Variants in TEX9 observed in about 807,000 individuals in gnomAD.
TEX9 encodes the protein testis-expressed protein 9.
Under a neutral mutation model 59.6 loss-of-function variants are expected in TEX9, and 74 were observed. The observed-to-expected ratio is 1.24, with a 90% CI of 1.03 to 1.51. TEX9 has a LOEUF of 1.51. TEX9 is among the 40% of genes most tolerant of loss of function. The pLI, the probability that TEX9 is intolerant of heterozygous loss-of-function variation, is 0.00. For missense variants in TEX9, 522 were observed against 447.8 expected (o/e 1.17, Z -1.49); for synonymous variants, 186 against 152.2 (o/e 1.22, Z -1.64).
intron 1 of TEX9, among the ~76,000 whole-genome samples, chr15:56,338,978 G>A (rs1596101675): frequency 6.6e-6 from 1 of 152,192 alleles, no homozygotes; most frequent in Admixed American, 6.5e-5. Flanking sequence ...CTATGCTCTG[G>A]TGTGCATGTA....
At chr15:56,396,528 C>G (rs548815245) in intron 9 of TEX9, 2 of 146,776 alleles carry the variant, frequency 1.4e-5, no homozygotes, top group East Asian at 2.0e-4. Context: ...TCCCAAATGT[C>G]ACATAAATAG....
intron 10 of TEX9, among the ~76,000 whole-genome samples, chr15:56,420,607 C>T (rs1426315225): frequency 6.6e-6 from 1 of 151,882 alleles, no homozygotes; most frequent in African/African-American, 2.4e-5. Flanking sequence ...CACGCCTGGC[C>T]TCTTTTTCTA....
chr15:56,344,848 G>T (rs2046438734), intron 1 of TEX9, among the ~76,000 whole-genome samples: 1 of 151,666 alleles, frequency 6.6e-6, no homozygotes, highest in Non-Finnish European at 1.5e-5. Context: ...ATAAAAAGCA[G>T]AATTACAGGA....
At chr15:56,398,528 C>G (rs774796439) in intron 9 of TEX9, among the ~76,000 whole-genome samples, 1 of 152,212 alleles carries the variant, frequency 6.6e-6, no homozygotes, top group Non-Finnish European at 1.5e-5. Context: ...TCTGTCACAT[C>G]ACTGTTCTAG....
At chr15:56,297,729 G>A (rs2045250055) in intron 1 of TEX9, among the ~76,000 whole-genome samples, 1 of 152,166 alleles carries the variant, frequency 6.6e-6, no homozygotes, top group Non-Finnish European at 1.5e-5. Context: ...GGTCTTGAAT[G>A]CCTGCCATCA....
intron 9 of TEX9, among the ~76,000 whole-genome samples, chr15:56,406,815 A>G (rs183301418): frequency 6.8e-4 from 104 of 152,238 alleles, no homozygotes; most frequent in African/African-American, 2.3e-3. Flanking sequence ...TTGTTTACCT[A>G]TGTAATTCCT....
rs1313013962 is a variant in TEX9 at position 56,394,222 on chromosome 15, ATGT to A, written c.633_635del (p.Val212del). On this transcript the variant is annotated inframe_deletion, in exon 8 of 13. Transcript: ENST00000352903. Reference sequence around the variant, plus strand: ...CATGTTATGCAGGAGGAATTGGATAATGTTGTATGTGAATGCAATAAAAAGGTA... The same window carrying A: ...CATGTTATGCAGGAGGAATTGGATAATGTATGTGAATGCAATAAAAAGGTA... 7 of 1,608,012 alleles carry A rather than the reference ATGT, an allele frequency of 4.4e-6. No homozygotes were observed. In the South Asian group the frequency reaches 5.6e-5, roughly 13 times the overall value.
intron 12 of TEX9, chr15:56,443,358 ATC>A: frequency 1.8e-6 from 2 of 1,105,420 alleles, no homozygotes; most frequent in Non-Finnish European, 2.5e-6. Context: ...TAAATGTACT[ATC>A]TCTTTTCTGC....
chr15:56,441,855 A>G (rs1279110297), intron 12 of TEX9, among the ~76,000 whole-genome samples: 1 of 151,986 alleles, frequency 6.6e-6, no homozygotes, highest in African/African-American at 2.4e-5. Flanking sequence ...TCTACTAAAA[A>G]TACAAAAGAA....
At chr15:56,424,667 G>GGT (rs1169149711) in intron 10 of TEX9, among the ~76,000 whole-genome samples, 1 of 151,918 alleles carries the variant, frequency 6.6e-6, no homozygotes, top group African/African-American at 2.4e-5. Context: ...TTGTGTTACT[G>GGT]GTGTCACAAA....
At chr15:56,309,850 G>A (rs1190878308) in intron 1 of TEX9, among the ~76,000 whole-genome samples, 1 of 151,774 alleles carries the variant, frequency 6.6e-6, no homozygotes. Flanking sequence ...AGGGGAAATA[G>A]TGAGAGCTTG....
chr15:56,440,737 C>T (rs2050802806), intron 12 of TEX9, among the ~76,000 whole-genome samples: 1 of 152,050 alleles, frequency 6.6e-6, no homozygotes, highest in Non-Finnish European at 1.5e-5. Flanking sequence ...TGTTTGATAT[C>T]ATTTATATAA....
intron 2 of TEX9, 190 bp downstream of exon 2, chr15:56,365,860 G>C (rs1401579137): frequency 1.4e-6 from 2 of 1,406,786 alleles, no homozygotes; most frequent in Non-Finnish European, 1.8e-6. Context: ...CTGCGTATTA[G>C]AAGATATTTG....
chr15:56,260,210 A>G (rs576036520), intron 1 of TEX9, among the ~76,000 whole-genome samples: 1 of 152,116 alleles, frequency 6.6e-6, no homozygotes, highest in East Asian at 1.9e-4. Context: ...CTTCTTTCCA[A>G]CCTCACAGCT....
intron 12 of TEX9, chr15:56,428,698 C>T (rs1250342519): frequency 2.6e-6 from 1 of 386,884 alleles, no homozygotes; most frequent in Non-Finnish European, 4.6e-6. Flanking sequence ...TAATTCTCCT[C>T]CCTTACAGTA....
Position 56,257,423 on chromosome 15 carries a change from G to A in TEX9, c.-107+13145G>A, listed in dbSNP as rs1453312675. Among the ~76,000 whole-genome samples the A allele has an allele frequency of 5.3e-5, 8 of 152,042 alleles. No individual in the cohort carries two copies. The South Asian group carries it at 1.5e-3, about 28-fold the overall frequency. ...ATACTCCCACCAACAGTGTAAAAGT[G>A]TTCTTTTTTCTCCACAACCTCACCA... On this transcript the variant is annotated intron_variant, in intron 1 of 5. Transcript: ENST00000560827.
At chr15:56,249,102 G>A (rs1596040838) in intron 1 of TEX9, 1 of 152,210 alleles carries the variant, frequency 6.6e-6, no homozygotes, top group Admixed American at 6.5e-5. Flanking sequence ...ATTTTTAAAA[G>A]TGAAATAAAA....
intron 1 of TEX9, among the ~76,000 whole-genome samples, chr15:56,346,279 T>G (rs1451230154): frequency 6.6e-6 from 1 of 152,044 alleles, no homozygotes; most frequent in Non-Finnish European, 1.5e-5. Context: ...CAAGTATGAT[T>G]TGGGGTATCT....
chr15:56,337,993 C>T (rs1287222144), intron 1 of TEX9, among the ~76,000 whole-genome samples: 3 of 152,100 alleles, frequency 2.0e-5, no homozygotes, highest in Admixed American at 1.3e-4. Context: ...TTTTTCCTTC[C>T]CATTGTGTAA....
Sources: allele counts gnomAD v4.1 joint callset (sites outside exome capture counted in the v4.1 genomes callset), GRCh38; gene constraint gnomAD v4.1.1; transcripts MANE v1.5; gene names NCBI Gene and HGNC (gene_info 2026-07-23, HGNC 2026-07-21).